Variants in TBC1D4 observed in about 807,000 individuals in gnomAD.
TBC1D4 encodes the protein TBC1 domain family member 4.
In TBC1D4, 121 loss-of-function variants were observed where a neutral mutation model predicts 142.5. The observed-to-expected ratio is 0.85, with a 90% CI of 0.73 to 0.99. The LOEUF (loss-of-function observed/expected upper bound fraction) is 0.99, where lower values mean the gene tolerates loss of function less well. Ranked by LOEUF, TBC1D4 falls within the 50% of genes least tolerant of loss-of-function variation. The probability of loss-of-function intolerance (pLI) is 0.00; values close to 1 mark genes in which losing one functional copy is unlikely to be tolerated. For missense variants in TBC1D4, 1,475 were observed against 1,606.6 expected (o/e 0.92, Z 1.40); for synonymous variants, 630 against 628.2 (o/e 1.00, Z -0.04).
intron 1 of TBC1D4, among the ~76,000 whole-genome samples, chr13:75,465,613 T>C (rs1361997272): frequency 6.6e-6 from 1 of 152,158 alleles, no homozygotes; most frequent in Non-Finnish European, 1.5e-5. Context: ...ACCATGTGAA[T>C]GGACCCTCCT....
intron 1 of TBC1D4, among the ~76,000 whole-genome samples, chr13:75,436,485 A>T (rs1886804493): frequency 6.6e-6 from 1 of 152,012 alleles, no homozygotes; most frequent in African/African-American, 2.4e-5. Context: ...GTGAAACCCC[A>T]TCTCTACAAA....
At chr13:75,355,750 T>C (rs1436599055) in intron 4 of TBC1D4, among the ~76,000 whole-genome samples, 1 of 152,162 alleles carries the variant, frequency 6.6e-6, no homozygotes, top group African/African-American at 2.4e-5. Context: ...AAAACCAAAA[T>C]AGCTCTCTGT....
intron 1 of TBC1D4, among the ~76,000 whole-genome samples, chr13:75,405,552 G>A (rs549394798): frequency 2.0e-5 from 3 of 152,294 alleles, no homozygotes; most frequent in Non-Finnish European, 4.4e-5. Context: ...GATTACAGGC[G>A]TGAGCCACTG....
In TBC1D4 at chr13:75,362,563, G is replaced by A; in HGVS notation, c.543C>T (p.Ala181=). The A allele has an allele frequency of 1.2e-6, 2 of 1,614,140 alleles. No homozygotes were observed. Among genetic ancestry groups the A allele is most frequent in the South Asian group, 1.1e-5 (1 of 91,078 alleles). The change falls in exon 2 of 21, where the codon GCC becomes GCT. Residue 181 remains alanine (A), a synonymous_variant. Transcript: ENST00000377636. This position sits in a 1 kb window ranked among gnomAD's most constrained non-coding sequence, Gnocchi z 4.2. The part of the protein sequence containing the change: ...ISSIRQLSKA[A]MKEDAKPSKD... ...TGCTGGGTTTGGCATCCTCTTTCAT[G>A]GCCGCTTTAGATAATTGCCTTATGC... is the stretch of plus-strand genomic sequence containing the variant.
chr13:75,328,219 ACAT>A (rs1028568572), intron 8 of TBC1D4, among the ~76,000 whole-genome samples: 1 of 152,200 alleles, frequency 6.6e-6, no homozygotes, highest in African/African-American at 2.4e-5. Flanking sequence ...CTAGATCAAA[ACAT>A]CATAATTCAT....
At chr13:75,297,833 G>A (rs1368121130) in intron 17 of TBC1D4, among the ~76,000 whole-genome samples, 2 of 151,432 alleles carry the variant, frequency 1.3e-5, no homozygotes, top group East Asian at 3.9e-4. Context: ...ACTTTCCACA[G>A]TTGTTATTTG....
At position 75,481,920 on chromosome 13, in the gene TBC1D4, A is replaced by G. The variant is rs1349365811; in HGVS notation, c.-153T>C. On this transcript the variant is annotated 5_prime_UTR_variant, in exon 1 of 21. Transcript: ENST00000377636. Reference sequence around the variant, plus strand: ...GCGACCCCGAACTCCGCGCTTCAGCAGCCCTGCCCCATGCAGCACTTCCAC... The same window carrying G: ...GCGACCCCGAACTCCGCGCTTCAGCGGCCCTGCCCCATGCAGCACTTCCAC... 32 of 1,138,776 alleles carry G rather than the reference A, an allele frequency of 2.8e-5. 1 individual carries two copies. The highest frequency in any genetic ancestry group is 6.2e-4 in the Middle Eastern group (2 of 3,202). The allele number at this position is 1,138,776 out of a possible 1,614,324, so 70.5% of individuals were successfully genotyped here.
At chr13:75,436,958 A>G (rs957832613) in intron 1 of TBC1D4, among the ~76,000 whole-genome samples, 1 of 152,190 alleles carries the variant, frequency 6.6e-6, no homozygotes, top group Admixed American at 6.5e-5. Flanking sequence ...CCCAAAACAC[A>G]TAATTTATAT....
chr13:75,451,491 T>C (rs1887528201), intron 1 of TBC1D4, among the ~76,000 whole-genome samples: 1 of 149,556 alleles, frequency 6.7e-6, no homozygotes, highest in Non-Finnish European at 1.5e-5. Context: ...TTATAATACA[T>C]ATTTTGAGTG....
chr13:75,287,037 G>T lies in TBC1D4; in HGVS notation c.3664-12C>A. ...TTAGTATGAGCTACCTGTTTGGGGG[G>T]GAAAAAATCCTCCAAATCAAATGAT... On this transcript the variant is annotated splice_polypyrimidine_tract_variant and intron_variant, in intron 20 of 20. Transcript: ENST00000377636. 6.3e-7 allele frequency: 1 copy of T among 1,595,580 alleles called. No homozygotes were observed. The highest frequency in any genetic ancestry group is 8.5e-7 in the Non-Finnish European group (1 of 1,174,118).
intron 1 of TBC1D4, among the ~76,000 whole-genome samples, chr13:75,373,754 G>T (rs1406331031): frequency 6.6e-6 from 1 of 152,142 alleles, no homozygotes; most frequent in African/African-American, 2.4e-5. Context: ...GGACTCTAGT[G>T]AACATCATCT....
chr13:75,312,752 G>C lies in TBC1D4; in HGVS notation c.2369C>G (p.Ala790Gly), dbSNP rs766459051. The stretch of plus-strand genomic sequence containing the variant: ...GCAACACAGACCTTGCTGTTGCATT[G>C]CTGAGGGAGATTTGTTCATGGGAGA... ...VASPMNKSPSAMQQQDGLDRN... is the reference protein window; with the variant it reads ...VASPMNKSPSGMQQQDGLDRN... Residue 790 changes from alanine to glycine, a missense_variant, in exon 13 of 21, where the codon GCA (alanine) becomes GGA (glycine). Coordinates refer to ENST00000377636, the MANE Select transcript of TBC1D4 (RefSeq NM_014832.5). 6.2e-7 allele frequency: 1 copy of C among 1,614,160 alleles called. No individual in the cohort carries two copies. Among genetic ancestry groups the C allele is most frequent in the Non-Finnish European group, 8.5e-7 (1 of 1,180,028 alleles).
intron 1 of TBC1D4, among the ~76,000 whole-genome samples, chr13:75,404,188 A>C (rs1451664441): frequency 1.3e-5 from 2 of 152,236 alleles, no homozygotes; most frequent in Admixed American, 1.3e-4. Context: ...GCAGTAAGAA[A>C]AAGCAGAGTT....
intron 1 of TBC1D4, among the ~76,000 whole-genome samples, chr13:75,379,922 T>C (rs1883728575): frequency 1.0e-5 from 1 of 95,322 alleles, no homozygotes; most frequent in East Asian, 3.5e-4. Context: ...TTTTTTTTTT[T>C]TGAGAAAGAG....
At chr13:75,384,580 TAAA>T (rs35473850) in intron 1 of TBC1D4, among the ~76,000 whole-genome samples, 1 of 139,794 alleles carries the variant, frequency 7.2e-6, no homozygotes. Context: ...AAAGTTTCTT[TAAA>T]AAAAAAAAAA....
intron 1 of TBC1D4, among the ~76,000 whole-genome samples, chr13:75,426,345 A>G (rs761741986): frequency 4.6e-5 from 7 of 152,376 alleles, no homozygotes; most frequent in Non-Finnish European, 1.0e-4. Context: ...TGTTTAAGTC[A>G]CAGATCAAGT....
intron 1 of TBC1D4, among the ~76,000 whole-genome samples, chr13:75,384,662 C>A (rs1169645610): frequency 2.7e-5 from 4 of 149,908 alleles, no homozygotes; most frequent in Non-Finnish European, 5.9e-5. Flanking sequence ...TAACATATTT[C>A]TTTACATAAA....
At chr13:75,301,282 G>A (rs1876516599) in intron 16 of TBC1D4, among the ~76,000 whole-genome samples, 1 of 152,064 alleles carries the variant, frequency 6.6e-6, no homozygotes, top group Non-Finnish European at 1.5e-5. Context: ...AGAAAAATTA[G>A]AGACAATACA....
At chr13:75,307,963 TA>T (rs556712798) in intron 14 of TBC1D4, among the ~76,000 whole-genome samples, 152 of 152,342 alleles carry the variant, frequency 1.0e-3, no homozygotes, top group African/African-American at 3.5e-3. Context: ...GGACAAAACA[TA>T]ATTACTTCCT....
Sources: allele counts gnomAD v4.1 joint callset (sites outside exome capture counted in the v4.1 genomes callset), GRCh38; gene constraint gnomAD v4.1.1; non-coding constraint Gnocchi (gnomAD v3.1); transcripts MANE v1.5; gene names NCBI Gene and HGNC (gene_info 2026-07-23, HGNC 2026-07-21).